Variants in NEGR1 observed in about 807,000 individuals in gnomAD.
NEGR1 encodes the protein neuronal growth regulator 1, also known as IgLON family member 4.
A neutral mutation model predicts 40.9 loss-of-function variants in NEGR1; 10 were observed. The observed-to-expected ratio is 0.24, with a 90% CI of 0.15 to 0.42. The LOEUF is 0.42. Among genes scored for constraint, NEGR1 ranks in the 10% least tolerant of loss-of-function variants. The pLI, the probability that NEGR1 is intolerant of heterozygous loss-of-function variation, is 1.00. For missense variants in NEGR1, 352 were observed against 438.9 expected, an observed-to-expected ratio of 0.80 and a Z score of 1.77; for synonymous variants, 185 against 166.8, an observed-to-expected ratio of 1.11 and a Z score of -0.84.
At chr1:71,763,820 AG>A (rs1226759890) in intron 3 of NEGR1, among the ~76,000 whole-genome samples, 2 of 151,932 alleles carry the variant, frequency 1.3e-5, no homozygotes, top group African/African-American at 4.8e-5. Flanking sequence ...AGAAAACATC[AG>A]GAAAAAAAAC....
chr1:71,471,498 C>A (rs1342121022), intron 6 of NEGR1, among the ~76,000 whole-genome samples: 1 of 151,748 alleles, frequency 6.6e-6, no homozygotes, highest in Non-Finnish European at 1.5e-5. Context: ...ATACAAAAAT[C>A]AGCCAGGTGT....
chr1:72,195,961 T>C (rs1355370559), intron 1 of NEGR1, among the ~76,000 whole-genome samples: 2 of 152,030 alleles, frequency 1.3e-5, no homozygotes, highest in Non-Finnish European at 2.9e-5. Flanking sequence ...ACTAGGTAAA[T>C]TAGTGCCTTC....
At position 72,082,380 on chromosome 1, in the gene NEGR1, A is replaced by G. The variant is rs75896295; in HGVS notation, c.177-147069T>C. Among the ~76,000 whole-genome samples the G allele has an allele frequency of 7.9e-4, 120 of 152,242 alleles. 1 individual carries two copies. The highest frequency in any genetic ancestry group is 2.7e-3 in the African/African-American group (114 of 41,556). ...GAATAATAATGTTATTTTAATTCGA[A>G]TGTCATTTTTATGAATATATTAACT... On this transcript the variant is annotated intron_variant, in intron 1 of 6. Transcript: ENST00000357731.
intron 1 of NEGR1, among the ~76,000 whole-genome samples, chr1:72,214,644 A>T (rs1310681404): frequency 3.3e-5 from 5 of 152,026 alleles, no homozygotes; most frequent in Non-Finnish European, 5.9e-5. Context: ...ACCTAGGAAT[A>T]CAACTTACAA....
intron 1 of NEGR1, among the ~76,000 whole-genome samples, chr1:72,093,748 G>T (rs537546956): frequency 6.6e-6 from 1 of 152,064 alleles, no homozygotes; most frequent in South Asian, 2.1e-4. Context: ...TTGATTAGAT[G>T]GGATTTATAG....
intron 2 of NEGR1, among the ~76,000 whole-genome samples, chr1:71,789,733 C>T (rs1657042889): frequency 6.6e-6 from 1 of 152,046 alleles, no homozygotes; most frequent in South Asian, 2.1e-4. Context: ...CTTGGGCATT[C>T]GTGCTCTGGA....
At chr1:71,981,096 A>T (rs1646350710) in intron 1 of NEGR1, among the ~76,000 whole-genome samples, 1 of 152,130 alleles carries the variant, frequency 6.6e-6, no homozygotes, top group African/African-American at 2.4e-5. Flanking sequence ...ATTGTATCCC[A>T]AGAGCTACTA....
At chr1:72,109,102 G>C (rs1486176886) in intron 1 of NEGR1, among the ~76,000 whole-genome samples, 1 of 151,394 alleles carries the variant, frequency 6.6e-6, no homozygotes, top group Non-Finnish European at 1.5e-5. Context: ...GCTAAACAAA[G>C]TATAAAATTA....
intron 1 of NEGR1, among the ~76,000 whole-genome samples, chr1:72,164,187 T>C (rs116026766): frequency 2.5e-3 from 382 of 152,196 alleles, no homozygotes; most frequent in African/African-American, 8.8e-3. Flanking sequence ...GTTTACCTTG[T>C]TGTGAACAAC....
At chr1:71,659,088 G>A (rs1031832544) in intron 4 of NEGR1, among the ~76,000 whole-genome samples, 1 of 152,160 alleles carries the variant, frequency 6.6e-6, no homozygotes, top group East Asian at 1.9e-4. Flanking sequence ...TTTTACTGAA[G>A]TGCAGCTTTC....
intron 2 of NEGR1, among the ~76,000 whole-genome samples, chr1:71,882,391 TC>T (rs1162108942): frequency 6.6e-6 from 1 of 152,154 alleles, no homozygotes; most frequent in Admixed American, 6.6e-5. Context: ...GAGTTATCTT[TC>T]CCCTAAGGGC....
At chr1:72,260,614 C>T (rs1481668447) in intron 1 of NEGR1, among the ~76,000 whole-genome samples, 1 of 151,764 alleles carries the variant, frequency 6.6e-6, no homozygotes, top group Non-Finnish European at 1.5e-5. Context: ...AAGTATGTTC[C>T]ACTATTACTC....
intron 1 of NEGR1, among the ~76,000 whole-genome samples, chr1:72,131,271 T>G (rs1254130327): frequency 1.3e-5 from 2 of 152,256 alleles, no homozygotes; most frequent in South Asian, 4.1e-4. Flanking sequence ...ACTTATTAAG[T>G]TGTGTCAGGT....
Position 71,472,238 on chromosome 1 carries a change from G to T in NEGR1, c.941-64668C>A, listed in dbSNP as rs542843808. ...GGATATTGGCTAACATAATGGAACG[G>T]TATTGATTGAAATAGAAATATGTCT... On this transcript the variant is annotated intron_variant, in intron 6 of 6. Coordinates refer to ENST00000357731, the MANE Select transcript of NEGR1 (RefSeq NM_173808.3). Among the ~76,000 whole-genome samples, 3 of 152,246 alleles carry T rather than the reference G, an allele frequency of 2.0e-5. No homozygotes were observed. The South Asian group carries it at 6.2e-4, about 32-fold the overall frequency.
At chr1:71,785,892 T>G (rs1656892301) in intron 2 of NEGR1, among the ~76,000 whole-genome samples, 1 of 152,306 alleles carries the variant, frequency 6.6e-6, no homozygotes, top group African/African-American at 2.4e-5. Context: ...AATATACATA[T>G]TCCTTGTTAG....
intron 2 of NEGR1, among the ~76,000 whole-genome samples, chr1:71,841,484 T>C (rs915143685): frequency 2.6e-5 from 4 of 152,250 alleles, no homozygotes; most frequent in African/African-American, 7.2e-5. Context: ...GCAACAATTA[T>C]CTAGTCGCAA....
At chr1:71,905,198 G>A (rs1661243091) in intron 2 of NEGR1, among the ~76,000 whole-genome samples, 1 of 151,912 alleles carries the variant, frequency 6.6e-6, no homozygotes, top group Non-Finnish European at 1.5e-5. Flanking sequence ...TTTCAAATCA[G>A]TTTTTAACAC....
intron 6 of NEGR1, among the ~76,000 whole-genome samples, chr1:71,587,041 CT>C (rs1423116993): frequency 6.6e-6 from 1 of 152,116 alleles, no homozygotes; most frequent in Admixed American, 6.6e-5. Context: ...ATTACTGCCT[CT>C]TTCAACCAAA....
intron 1 of NEGR1, among the ~76,000 whole-genome samples, chr1:72,076,771 C>G (rs1255756212): frequency 1.3e-5 from 2 of 151,928 alleles, no homozygotes; most frequent in South Asian, 2.1e-4. Flanking sequence ...CTCTGTTTCT[C>G]TGAAGAATCT....
Sources: allele counts gnomAD v4.1 joint callset (sites outside exome capture counted in the v4.1 genomes callset), GRCh38; gene constraint gnomAD v4.1.1; transcripts MANE v1.5; gene names NCBI Gene and HGNC (gene_info 2026-07-23, HGNC 2026-07-21).